PPM1E: variants seen among roughly 807,000 people sequenced by gnomAD.
PPM1E encodes the protein protein phosphatase, Mg2+/Mn2+ dependent 1E.
In PPM1E, 20 loss-of-function variants were observed where a neutral mutation model predicts 65.9. The ratio of observed to expected loss-of-function variants is 0.30; its 90% CI spans 0.21 to 0.44. The LOEUF (loss-of-function observed/expected upper bound fraction) is 0.44. Among genes scored for constraint, PPM1E ranks in the 20% least tolerant of loss-of-function variants. PPM1E has a pLI of 1.00. For synonymous variants in PPM1E, 352 were observed against 374.9 expected (o/e 0.94, Z 0.70); for missense variants, 713 against 953.1 (o/e 0.75, Z 3.32).
chr17:58,857,229 A>G (rs1238978611), intron 1 of PPM1E, among the ~76,000 whole-genome samples: 3 of 152,172 alleles, frequency 2.0e-5, no homozygotes, highest in Non-Finnish European at 4.4e-5. Context: ...TTGATAAAGT[A>G]CTTTAATCTG....
At position 58,965,909 on chromosome 17, in the gene PPM1E, G is replaced by A. The variant is rs369858281; in HGVS notation, c.783+16G>A. 9.2e-5 allele frequency: 149 copies of A among 1,611,042 alleles called. No homozygotes were observed. Among genetic ancestry groups the A allele is most frequent in the South Asian group, 2.7e-4 (25 of 91,006 alleles). ...CAACCTAGAGGTAAAGGGCACTTTCGGAGAGTCAGTGAGATTTTAAAGACA... is the reference window on the plus strand; with the variant it reads ...CAACCTAGAGGTAAAGGGCACTTTCAGAGAGTCAGTGAGATTTTAAAGACA... On this transcript the variant is annotated intron_variant, in intron 3 of 6. Transcript: ENST00000308249.
At chr17:58,909,019 G>A (rs1462385035) in intron 1 of PPM1E, among the ~76,000 whole-genome samples, 2 of 152,034 alleles carry the variant, frequency 1.3e-5, no homozygotes, top group Non-Finnish European at 2.9e-5. Flanking sequence ...TGAACAATCT[G>A]TTAGGTCAAT....
At chr17:58,806,328 T>TA (rs1183662352) in intron 1 of PPM1E, among the ~76,000 whole-genome samples, 2 of 151,824 alleles carry the variant, frequency 1.3e-5, no homozygotes, top group Non-Finnish European at 2.9e-5. Context: ...ATTAGAAGGG[T>TA]AAGCTATGTG....
chr17:58,791,979 T>C (rs1363974871), intron 1 of PPM1E, among the ~76,000 whole-genome samples: 1 of 152,158 alleles, frequency 6.6e-6, no homozygotes, highest in African/African-American at 2.4e-5. Context: ...AACACTTTTC[T>C]TCCTTGCCCA....
At chr17:58,968,641 T>C (rs2030408001) in intron 3 of PPM1E, among the ~76,000 whole-genome samples, 1 of 152,196 alleles carries the variant, frequency 6.6e-6, no homozygotes, top group Non-Finnish European at 1.5e-5. Flanking sequence ...TATTACATAC[T>C]GTTGCCTGAA....
At chr17:58,937,389 C>A (rs1204855365) in intron 1 of PPM1E, among the ~76,000 whole-genome samples, 4 of 149,194 alleles carry the variant, frequency 2.7e-5, no homozygotes, top group African/African-American at 9.8e-5. Context: ...TCAGCCTCCC[C>A]AGTAGCTGGG....
intron 1 of PPM1E, among the ~76,000 whole-genome samples, chr17:58,858,596 A>G (rs1034155502): frequency 6.6e-6 from 1 of 151,990 alleles, no homozygotes; most frequent in Non-Finnish European, 1.5e-5. Context: ...CTTACTTCAT[A>G]TAACATAATG....
intron 1 of PPM1E, among the ~76,000 whole-genome samples, chr17:58,769,293 GTTCT>G (rs1387754835): frequency 6.6e-6 from 1 of 151,470 alleles, no homozygotes; most frequent in African/African-American, 2.4e-5. Context: ...GTTTTTTTTG[GTTCT>G]TTAAGTAAAA....
At chr17:58,915,870 T>C (rs1006593750) in intron 1 of PPM1E, among the ~76,000 whole-genome samples, 1 of 152,220 alleles carries the variant, frequency 6.6e-6, no homozygotes, top group Non-Finnish European at 1.5e-5. Flanking sequence ...TCCCACCCCA[T>C]TACTTCCTAA....
intron 1 of PPM1E, among the ~76,000 whole-genome samples, chr17:58,930,551 A>G (rs1486980320): frequency 6.6e-6 from 1 of 152,224 alleles, no homozygotes; most frequent in Non-Finnish European, 1.5e-5. Context: ...ATAAAAACTT[A>G]ATCTTATAAA....
chr17:58,786,557 C>T (rs7212271), intron 1 of PPM1E, among the ~76,000 whole-genome samples: 45,264 of 152,020 alleles, frequency 0.3, 7,223 homozygotes, highest in Middle Eastern at 0.48. Context: ...CCAGGCAGGA[C>T]GGAGTGGGAT....
intron 2 of PPM1E, among the ~76,000 whole-genome samples, chr17:58,963,960 A>T (rs2030130159): frequency 6.6e-6 from 1 of 152,230 alleles, no homozygotes. Flanking sequence ...TATGTTAATG[A>T]GGAAAAAAAG....
chr17:58,903,232 C>T (rs2143476559), intron 1 of PPM1E, among the ~76,000 whole-genome samples: 1 of 152,256 alleles, frequency 6.6e-6, no homozygotes, highest in South Asian at 2.1e-4. Flanking sequence ...ATTGTGAACC[C>T]CCAGTAACTA....
At chr17:58,816,183 G>A (rs1238111164) in intron 1 of PPM1E, among the ~76,000 whole-genome samples, 1 of 151,768 alleles carries the variant, frequency 6.6e-6, no homozygotes, top group Non-Finnish European at 1.5e-5. Flanking sequence ...GTGCCACCAC[G>A]CCCAGCTAAT....
intron 2 of PPM1E, among the ~76,000 whole-genome samples, chr17:58,955,982 A>G (rs908571027): frequency 6.6e-6 from 1 of 152,212 alleles, no homozygotes; most frequent in Non-Finnish European, 1.5e-5. Flanking sequence ...AAAAAGGTAG[A>G]GTAGTATTTA....
chr17:58,825,384 A>G (rs2050525219), intron 1 of PPM1E, among the ~76,000 whole-genome samples: 1 of 152,106 alleles, frequency 6.6e-6, no homozygotes, highest in Admixed American at 6.5e-5. Flanking sequence ...AGCCTCGGCA[A>G]TATTAGTGAG....
intron 1 of PPM1E, among the ~76,000 whole-genome samples, chr17:58,857,038 T>C (rs1474338454): frequency 6.6e-6 from 1 of 152,170 alleles, no homozygotes; most frequent in East Asian, 1.9e-4. Flanking sequence ...TTTAACCTAT[T>C]TTTTGCCCCA....
At chr17:58,842,471 G>T (rs575490527) in intron 1 of PPM1E, among the ~76,000 whole-genome samples, 2 of 152,304 alleles carry the variant, frequency 1.3e-5, no homozygotes, top group Admixed American at 1.3e-4. Flanking sequence ...GTATGTTGGG[G>T]GGTATATGAA....
intron 1 of PPM1E, among the ~76,000 whole-genome samples, chr17:58,937,513 C>T (rs1480539191): frequency 1.3e-5 from 2 of 150,286 alleles, no homozygotes; most frequent in East Asian, 2.0e-4. Flanking sequence ...CCACCCGCCT[C>T]GGCCTCCCAA....
Sources: gnomAD v4.1 joint callset for allele counts (sites outside exome capture counted in the v4.1 genomes callset) on GRCh38, gnomAD v4.1.1 for gene constraint, MANE v1.5 for transcripts, NCBI Gene and HGNC (gene_info 2026-07-23, HGNC 2026-07-21) for gene names.